GOLGA8N: variants seen among roughly 807,000 people sequenced by gnomAD.
GOLGA8N encodes the protein golgin subfamily A member 8N.
In GOLGA8N, 2 loss-of-function variants were observed where a neutral mutation model predicts 22.0. The ratio of observed to expected loss-of-function variants is 0.09; its 90% confidence interval spans 0.04 to 0.29. GOLGA8N has a LOEUF of 0.29. Ranked by LOEUF, GOLGA8N falls within the 10% of genes least tolerant of loss-of-function variation. GOLGA8N has a pLI of 1.00. For synonymous variants in GOLGA8N, 2 were observed against 58.7 expected (o/e 0.03, Z 4.41); for missense variants, 10 against 164.7 (o/e 0.06, Z 5.14).
At chr15:32,606,507 C>G (rs903931971) in exon 19 of GOLGA8N, 2 of 151,462 alleles carry the variant, frequency 1.3e-5, no homozygotes, top group Admixed American at 1.3e-4. Flanking sequence ...TGCATGCAGT[C>G]TTTTGCGATA....
At chr15:32,605,229 A>T (rs569250501) in exon 19 of GOLGA8N, 4 of 147,982 alleles carry the variant, frequency 2.7e-5, no homozygotes, top group Non-Finnish European at 4.5e-5. Flanking sequence ...AAAACACTTT[A>T]AAAAAAATAG....
exon 19 of GOLGA8N, chr15:32,605,425 CAG>C (rs768376484): frequency 6.8e-6 from 1 of 147,044 alleles, no homozygotes; most frequent in Admixed American, 6.9e-5. Context: ...TATACAACCA[CAG>C]AGTTATATTT....
In GOLGA8N at chr15:32,607,088, T is replaced by C. The variant is rs578211801; in HGVS notation, c.*3110T>C. 1.3e-4 allele frequency: 20 copies of C among 152,010 alleles called. No individual in the cohort carries two copies. The South Asian group carries it at 4.2e-3, about 32-fold the overall frequency. 9.4% of individuals were successfully genotyped at this position (152,010 alleles called of 1,614,324 possible). ...AATGTGTCATGGAAATACTGAAAGATTTTTCCCTAGAGTGGCCTTATTGAC... is the reference window on the plus strand; with the variant it reads ...AATGTGTCATGGAAATACTGAAAGACTTTTCCCTAGAGTGGCCTTATTGAC... On this transcript the variant is annotated 3_prime_UTR_variant, in exon 19 of 19. Coordinates refer to ENST00000448387, the Ensembl canonical transcript of GOLGA8N.
chr15:32,606,987 C>G (rs1567040958), exon 19 of GOLGA8N: 1 of 150,924 alleles, frequency 6.6e-6, no homozygotes, highest in Non-Finnish European at 1.5e-5. Context: ...GAAAGAAATG[C>G]CAATTCCAGT....
At chr15:32,598,373 G>A (rs1201749177) in intron 8 of GOLGA8N, among the ~76,000 whole-genome samples, 196 bp downstream of exon 8, 1 of 60,890 alleles carries the variant, frequency 1.6e-5, no homozygotes, top group African/African-American at 6.2e-5. Flanking sequence ...GGTACTGTGG[G>A]GAGTGAGCAC....
chr15:32,595,314 TG>T lies in GOLGA8N; in HGVS notation c.96del (p.Asn33ThrfsTer40). ...AACAGACCTAGAGTTCCAGCAGGAG[TG>T]AACAGGAACAGGAAAACAAATGGCA... On this transcript the variant is annotated frameshift_variant, in exon 2 of 19. Transcript: ENST00000448387. LOFTEE classifies it high-confidence loss of function. 8.8e-6 allele frequency: 2 copies of T among 227,482 alleles called. No homozygotes were observed. The highest frequency in any genetic ancestry group is 1.4e-5 in the Non-Finnish European group (2 of 147,316). 14.1% of individuals were successfully genotyped at this position (227,482 alleles called of 1,614,324 possible). A position where few individuals can be genotyped will look rare whatever the true frequency, so the allele number is the denominator to read the frequency against.
chr15:32,607,193 C>G (rs28546113), exon 19 of GOLGA8N: 2 of 152,356 alleles, frequency 1.3e-5, no homozygotes, highest in East Asian at 3.8e-4. Flanking sequence ...TTTTATTTTG[C>G]GTTTCTTGAA....
At chr15:32,607,127 C>T (rs1295650285) in exon 19 of GOLGA8N, 3 of 151,978 alleles carry the variant, frequency 2.0e-5, no homozygotes, top group Admixed American at 6.6e-5. Context: ...TGGTGTGATG[C>T]CACTGTAATG....
chr15:32,606,850 G>A (rs1363827058), exon 19 of GOLGA8N: 1 of 149,296 alleles, frequency 6.7e-6, no homozygotes, highest in East Asian at 1.9e-4. Context: ...CTTTATCTTA[G>A]TCATTTTAAA....
chr15:32,606,368 G>T (rs2052933672), exon 19 of GOLGA8N: 1 of 123,374 alleles, frequency 8.1e-6, no homozygotes, highest in Non-Finnish European at 1.7e-5. Flanking sequence ...TAAGCTGAAG[G>T]TCAGTCTGGA....
chr15:32,604,522 A>G (rs1313810753), exon 19 of GOLGA8N: 2 of 122,944 alleles, frequency 1.6e-5, no homozygotes, highest in Non-Finnish European at 3.5e-5. Flanking sequence ...AGAGTTGTTT[A>G]AAGGCCAAGA....
intron 1 of GOLGA8N, chr15:32,594,478 A>AT (rs1300076218): frequency 5.5e-6 from 1 of 181,252 alleles, no homozygotes; most frequent in African/African-American, 5.1e-5. Flanking sequence ...AGATTTTAAC[A>AT]TTTTTTTCTG....
chr15:32,597,589 G>A (rs2052834629), intron 5 of GOLGA8N, 100 bp downstream of exon 5: 10 of 1,603,346 alleles, frequency 6.2e-6, no homozygotes, highest in African/African-American at 5.4e-5. Flanking sequence ...GCCTGGGGAA[G>A]AAGGCTGACC....
chr15:32,607,086 G>T (rs922003493), exon 19 of GOLGA8N: 2 of 151,806 alleles, frequency 1.3e-5, no homozygotes, highest in African/African-American at 2.4e-5. Flanking sequence ...AATACTGAAA[G>T]ATTTTTCCCT....
Position 32,597,660 on chromosome 15 carries a change from T to TC in GOLGA8N, c.349-90dup, listed in dbSNP as rs1247434095. The TC allele has an allele frequency of 1.7e-5, 11 of 660,992 alleles. No homozygotes were observed. The East Asian group carries it at 3.0e-4, about 18-fold the overall frequency. The allele number at this position is 660,992 out of a possible 1,614,324, so 40.9% of individuals were successfully genotyped here. A position where few individuals can be genotyped will look rare whatever the true frequency, so the allele number is the denominator to read the frequency against. The stretch of plus-strand genomic sequence containing the variant: ...TAACCTGGTCCCATGGGTGGGCCTG[T>TC]CCTGGGGCATTGGTGGCATTCTGGG... On this transcript the variant is annotated intron_variant, in intron 5 of 18. Transcript: ENST00000448387.
intron 5 of GOLGA8N, 80 bp downstream of exon 5, chr15:32,597,569 C>T: frequency 1.4e-5 from 23 of 1,596,934 alleles, no homozygotes; most frequent in Non-Finnish European, 1.8e-5. Flanking sequence ...TCTCGTCTCA[C>T]CCACTCCCAG....
intron 8 of GOLGA8N, among the ~76,000 whole-genome samples, chr15:32,598,545 CGTT>C (rs370833063): frequency 0.92 from 45,271 of 49,328 alleles, 22,308 homozygotes; most frequent in East Asian, 1. Flanking sequence ...AACGTGTGTG[CGTT>C]GTGTGTGTGT....
In GOLGA8N at chr15:32,598,606, C is replaced by G. The variant is rs1353409189; in HGVS notation, c.591+429C>G. On this transcript the variant is annotated intron_variant, in intron 8 of 18. Transcript: ENST00000448387. Reference sequence around the variant, plus strand: ...TACATAAAACATGTCTGCAAGGGTTCATAAAAAATTCAGGAGAGAGCAACA... The same window carrying G: ...TACATAAAACATGTCTGCAAGGGTTGATAAAAAATTCAGGAGAGAGCAACA... 3.6e-5 allele frequency among the ~76,000 whole-genome samples: 2 copies of G among 55,524 alleles called. 1 individual carries two copies. The highest frequency in any genetic ancestry group is 8.1e-5 in the Non-Finnish European group (2 of 24,656). The allele number at this position is 55,524 out of a possible 152,430, so 36.4% of individuals were successfully genotyped here.
chr15:32,606,720 T>C (rs2052939295), exon 19 of GOLGA8N: 2 of 148,698 alleles, frequency 1.3e-5, no homozygotes, highest in African/African-American at 5.1e-5. Flanking sequence ...ATTTTAAAAG[T>C]ATTTGATTCA....
Sources: gnomAD v4.1 joint callset for allele counts (sites outside exome capture counted in the v4.1 genomes callset) on GRCh38, gnomAD v4.1.1 for gene constraint, MANE v1.5 for transcripts, NCBI Gene and HGNC (gene_info 2026-07-23, HGNC 2026-07-21) for gene names.